TTC28: variants seen among roughly 807,000 people sequenced by gnomAD.
TTC28 encodes tetratricopeptide repeat protein 28.
Under a neutral mutation model 198.0 loss-of-function variants are expected in TTC28, and 61 were observed. The observed-to-expected ratio is 0.31, with a 90% CI of 0.25 to 0.38. The LOEUF is 0.38. TTC28 is among the 10% of genes least tolerant of loss of function. The pLI, the probability that TTC28 is intolerant of heterozygous loss-of-function variation, is 1.00. For synonymous variants in TTC28, 1,171 were observed against 1,297.8 expected, an observed-to-expected ratio of 0.90 and a Z score of 2.10; for missense variants, 2,678 against 3,164.0, an observed-to-expected ratio of 0.85 and a Z score of 3.69.
At chr22:28,011,152 C>T (rs537816875) in intron 14 of TTC28, among the ~76,000 whole-genome samples, 4 of 152,276 alleles carry the variant, frequency 2.6e-5, no homozygotes, top group Non-Finnish European at 5.9e-5. Context: ...TTCATACAAC[C>T]TCCTGTATAC....
intron 2 of TTC28, among the ~76,000 whole-genome samples, chr22:28,626,836 G>C: frequency 6.6e-6 from 1 of 151,856 alleles, no homozygotes; most frequent in Middle Eastern, 3.2e-3. Context: ...GAAAAAATCA[G>C]AAACCAATAA....
intron 5 of TTC28, among the ~76,000 whole-genome samples, chr22:28,254,487 T>C (rs1930745982): frequency 1.6e-5 from 2 of 128,600 alleles, no homozygotes; most frequent in African/African-American, 2.6e-5. Flanking sequence ...GAATACTTAA[T>C]GGTGCAAAAA....
chr22:28,078,189 C>T (rs551769391), intron 12 of TTC28, among the ~76,000 whole-genome samples: 23 of 152,234 alleles, frequency 1.5e-4, no homozygotes, highest in Admixed American at 1.0e-3. Context: ...TACTTCCTTT[C>T]GGCAGCAAGA....
chr22:28,407,789 T>C (rs1382753028), intron 2 of TTC28, among the ~76,000 whole-genome samples: 1 of 152,194 alleles, frequency 6.6e-6, no homozygotes, highest in Non-Finnish European at 1.5e-5. Context: ...TCCCCTATTT[T>C]TCTAGTTCTT....
At chr22:28,399,509 G>A (rs895832004) in intron 2 of TTC28, among the ~76,000 whole-genome samples, 1 of 151,702 alleles carries the variant, frequency 6.6e-6, no homozygotes, top group Non-Finnish European at 1.5e-5. Flanking sequence ...TAGAAACGAG[G>A]TGCCTGGGCT....
chr22:28,211,872 T>C (rs148033941), intron 5 of TTC28, among the ~76,000 whole-genome samples: 5,498 of 152,184 alleles, frequency 0.036, 342 homozygotes, highest in African/African-American at 0.13. Flanking sequence ...ATTGACCACA[T>C]AGTTGGAAAT....
intron 2 of TTC28, among the ~76,000 whole-genome samples, chr22:28,389,528 T>C (rs1342107169): frequency 6.7e-6 from 1 of 148,704 alleles, no homozygotes; most frequent in Non-Finnish European, 1.5e-5. Context: ...GCTCCTGTTA[T>C]TGGTCTATTC....
Position 28,333,531 on chromosome 22 carries a change from A to G in TTC28, c.382-26888T>C, listed in dbSNP as rs192419462. On this transcript the variant is annotated intron_variant, in intron 2 of 22. Coordinates refer to ENST00000397906, the MANE Select transcript of TTC28 (RefSeq NM_001145418.2). The stretch of plus-strand genomic sequence containing the variant: ...CTTTGCTCTATGATGCCAGGGAGTA[A>G]CTTCCATATGAAAATGAACTAGGTT... Among the ~76,000 whole-genome samples the G allele has an allele frequency of 7.9e-4, 121 of 152,214 alleles. 2 individuals are homozygous for G. The highest frequency in any genetic ancestry group is 1.8e-4 in the Non-Finnish European group (12 of 67,980).
intron 5 of TTC28, among the ~76,000 whole-genome samples, chr22:28,234,695 A>C (rs16986181): frequency 0.017 from 2,560 of 152,230 alleles, 89 homozygotes; most frequent in African/African-American, 0.059. Context: ...TTTAAACACT[A>C]TACAGAATTA....
Position 28,255,787 on chromosome 22 carries a change from C to T in TTC28, c.933+40411G>A, listed in dbSNP as rs539052072. ...CTTCCCAGTCTGGGTCCCTGAGTGA[C>T]TATAGTGAGCAGAGGCTTTGATGAC... On this transcript the variant is annotated intron_variant, in intron 5 of 22. Coordinates refer to ENST00000397906, the MANE Select transcript of TTC28 (RefSeq NM_001145418.2). Among the ~76,000 whole-genome samples the T allele has an allele frequency of 6.4e-4, 97 of 151,784 alleles. 1 individual carries two copies. The South Asian group carries it at 0.02, about 31-fold the overall frequency.
chr22:28,358,442 G>A (rs1233833481), intron 2 of TTC28, among the ~76,000 whole-genome samples: 2 of 152,252 alleles, frequency 1.3e-5, no homozygotes, highest in East Asian at 3.9e-4. Flanking sequence ...AAGTCTGTGG[G>A]TTTACAATTT....
intron 2 of TTC28, among the ~76,000 whole-genome samples, chr22:28,431,920 GT>G (rs2047435723): frequency 6.6e-6 from 1 of 151,926 alleles, no homozygotes; most frequent in African/African-American, 2.4e-5. Flanking sequence ...GGAGGTTGTA[GT>G]GAGCCAAGAT....
intron 5 of TTC28, among the ~76,000 whole-genome samples, chr22:28,180,310 GC>G (rs1923577373): frequency 6.6e-6 from 1 of 151,988 alleles, no homozygotes; most frequent in Non-Finnish European, 1.5e-5. Context: ...AAAATTAATT[GC>G]ACCACAATAA....
At chr22:28,648,832 CTA>C (rs1227955498) in intron 1 of TTC28, among the ~76,000 whole-genome samples, 1 of 151,864 alleles carries the variant, frequency 6.6e-6, no homozygotes, top group Non-Finnish European at 1.5e-5. Flanking sequence ...TTGCTGGAGC[CTA>C]TGAGGCAGAG....
chr22:28,136,476 TCTC>T (rs1943202296), intron 6 of TTC28, among the ~76,000 whole-genome samples: 1 of 152,164 alleles, frequency 6.6e-6, no homozygotes, highest in African/African-American at 2.4e-5. Context: ...TCTGCACTTC[TCTC>T]CTCATGGACA....
At chr22:28,393,384 A>G (rs1000239875) in intron 2 of TTC28, among the ~76,000 whole-genome samples, 1 of 152,198 alleles carries the variant, frequency 6.6e-6, no homozygotes, top group Admixed American at 6.5e-5. Context: ...GGAATAGAAC[A>G]GAATTCAGAA....
chr22:28,654,352 G>A (rs111331839), intron 1 of TTC28, among the ~76,000 whole-genome samples: 2,615 of 152,040 alleles, frequency 0.017, 72 homozygotes, highest in African/African-American at 0.06. Flanking sequence ...TTTTTGAGGC[G>A]GAGTCTCGCT....
chr22:28,252,678 A>G (rs951393187), intron 5 of TTC28, among the ~76,000 whole-genome samples: 64 of 152,230 alleles, frequency 4.2e-4, no homozygotes, highest in African/African-American at 1.4e-3. Flanking sequence ...CAAAGGCCAC[A>G]AAAGACCTGG....
At chr22:27,990,942 C>G in intron 19 of TTC28, 130 bp from the exon 20 acceptor site, 1 of 905,010 alleles carries the variant, frequency 1.1e-6, no homozygotes, top group Non-Finnish European at 1.7e-6. Flanking sequence ...GCGGCTCTGA[C>G]TGGGAGGGGA....
Sources: gnomAD v4.1 joint callset for allele counts (sites outside exome capture counted in the v4.1 genomes callset) on GRCh38, gnomAD v4.1.1 for gene constraint, MANE v1.5 for transcripts, NCBI Gene and HGNC (gene_info 2026-07-23, HGNC 2026-07-21) for gene names.